Variants in VAPA observed in about 807,000 individuals in gnomAD.
VAPA encodes VAMP associated protein A.
In VAPA, 6 loss-of-function variants were observed where a neutral mutation model predicts 25.6. The observed-to-expected ratio is 0.23, with a 90% CI of 0.13 to 0.46. The LOEUF (loss-of-function observed/expected upper bound fraction) is 0.46. Ranked by LOEUF, VAPA falls within the 20% of genes least tolerant of loss-of-function variation. The probability of loss-of-function intolerance (pLI) is 0.99; values close to 1 mark genes in which losing one functional copy is unlikely to be tolerated. For missense variants in VAPA, 244 were observed against 302.1 expected (o/e 0.81, Z 1.43); for synonymous variants, 112 against 106.2 (o/e 1.05, Z -0.34).
In VAPA at chr18:9,954,844, G is replaced by A. The variant is rs993574323; in HGVS notation, c.*633G>A. 3 of 152,558 alleles carry A rather than the reference G, an allele frequency of 2.0e-5. No individual in the cohort carries two copies. The highest frequency in any genetic ancestry group is 6.5e-5 in the Admixed American group (1 of 15,268). 9.5% of individuals were successfully genotyped at this position (152,558 alleles called of 1,614,324 possible). On this transcript the variant is annotated 3_prime_UTR_variant, in exon 6 of 6. Transcript: ENST00000400000. The stretch of plus-strand genomic sequence containing the variant: ...GCTCGATAGCTTGTTTGTGTCTGTC[G>A]TGTTATTAGAGGGAACTCCACTATA...
chr18:9,934,615 A>T (rs2069289439), intron 2 of VAPA, among the ~76,000 whole-genome samples: 1 of 152,196 alleles, frequency 6.6e-6, no homozygotes, highest in African/African-American at 2.4e-5. Flanking sequence ...ACCCGTGTTT[A>T]TCTTTTTGAA....
intron 4 of VAPA, among the ~76,000 whole-genome samples, chr18:9,940,448 T>C (rs1368557747): frequency 1.3e-5 from 2 of 152,186 alleles, no homozygotes; most frequent in Admixed American, 6.5e-5. Flanking sequence ...TATCAAACTT[T>C]CTGTTCATTT....
chr18:9,920,549 C>T (rs139166816), intron 1 of VAPA, among the ~76,000 whole-genome samples: 1,657 of 152,368 alleles, frequency 0.011, 30 homozygotes, highest in African/African-American at 0.037. Flanking sequence ...CCACCTGCCT[C>T]TGCCTCCCAA....
intron 4 of VAPA, 172 bp from the exon 5 acceptor site, chr18:9,950,223 G>A (rs989071825): frequency 5.3e-5 from 32 of 608,262 alleles, no homozygotes; most frequent in Non-Finnish European, 7.4e-5. Flanking sequence ...GGGATTATGG[G>A]AATAGAGGGA....
At chr18:9,918,121 C>T (rs962381473) in intron 1 of VAPA, among the ~76,000 whole-genome samples, 1 of 152,070 alleles carries the variant, frequency 6.6e-6, no homozygotes, top group Non-Finnish European at 1.5e-5. Context: ...CTGCTCATAC[C>T]CAAGGTTCTT....
intron 2 of VAPA, among the ~76,000 whole-genome samples, chr18:9,934,576 T>A (rs1162120046): frequency 2.6e-5 from 4 of 152,260 alleles, no homozygotes; most frequent in Non-Finnish European, 5.9e-5. Context: ...AATAAGACTT[T>A]ATTACATAAT....
At chr18:9,933,568 T>G (rs1209738851) in intron 2 of VAPA, among the ~76,000 whole-genome samples, 1 of 152,190 alleles carries the variant, frequency 6.6e-6, no homozygotes, top group East Asian at 1.9e-4. Flanking sequence ...GACAGTGTCT[T>G]GCTTTGTTGC....
intron 1 of VAPA, among the ~76,000 whole-genome samples, chr18:9,925,839 A>C (rs148448796): frequency 3.3e-5 from 5 of 152,224 alleles, no homozygotes; most frequent in Middle Eastern, 3.4e-3. Context: ...TTTTTCATAT[A>C]TTGCTAATTT....
intron 4 of VAPA, 116 bp from the exon 5 acceptor site, chr18:9,950,279 T>G (rs2069474890): frequency 2.8e-6 from 3 of 1,071,960 alleles, no homozygotes; most frequent in Non-Finnish European, 4.1e-6. Flanking sequence ...ATGTACTGAT[T>G]TAGGCCTTTT....
chr18:9,933,514 G>A (rs939442969), intron 2 of VAPA, among the ~76,000 whole-genome samples: 2 of 152,198 alleles, frequency 1.3e-5, no homozygotes, highest in African/African-American at 4.8e-5. Flanking sequence ...ACATCTTTAA[G>A]CCTTTAGCAC....
chr18:9,933,900 C>G (rs992329022), intron 2 of VAPA, among the ~76,000 whole-genome samples: 5 of 152,196 alleles, frequency 3.3e-5, no homozygotes, highest in Non-Finnish European at 5.9e-5. Flanking sequence ...ACAGTTATAT[C>G]CCTAGGAATC....
rs1027069110 is a variant in VAPA at position 9,914,218 on chromosome 18, G to A, written c.-39G>A. The A allele has an allele frequency of 6.5e-7, 1 of 1,549,764 alleles. No individual in the cohort carries two copies. Among genetic ancestry groups the A allele is most frequent in the Non-Finnish European group, 8.7e-7 (1 of 1,148,770 alleles). The stretch of plus-strand genomic sequence containing the variant: ...GTCCCCCGCCCCCAGTCAGCAAACC[G>A]CCGCCGCGGGCGCGCCCCCGCTCTG... On this transcript the variant is annotated 5_prime_UTR_variant, in exon 1 of 6. Transcript: ENST00000400000.
chr18:9,958,222 C>A lies in VAPA; in HGVS notation c.*4011C>A, dbSNP rs1182515727. 1 of 152,080 alleles carries A rather than the reference C, an allele frequency of 6.6e-6. No individual in the cohort carries two copies. Among genetic ancestry groups the A allele is most frequent in the African/African-American group, 2.4e-5 (1 of 41,402 alleles). 9.4% of individuals were successfully genotyped at this position (152,080 alleles called of 1,614,324 possible). ...TTAATTTCTGTGGTTTATTGAAAAC[C>A]AAGTATAAATGTGACTAAAAGCATT... On this transcript the variant is annotated 3_prime_UTR_variant, in exon 6 of 6. Transcript: ENST00000400000.
chr18:9,946,215 G>A (rs575754619), intron 4 of VAPA, among the ~76,000 whole-genome samples: 2 of 152,298 alleles, frequency 1.3e-5, no homozygotes, highest in South Asian at 4.2e-4. Flanking sequence ...TGAGAAATGT[G>A]TTGTTAGGTG....
chr18:9,935,399 C>T (rs2069298947), intron 2 of VAPA, among the ~76,000 whole-genome samples: 1 of 152,060 alleles, frequency 6.6e-6, no homozygotes, highest in Admixed American at 6.6e-5. Flanking sequence ...TGACGAAAAC[C>T]CTTTCTCTAC....
chr18:9,946,134 A>G (rs544845388), intron 4 of VAPA, among the ~76,000 whole-genome samples: 7 of 152,276 alleles, frequency 4.6e-5, no homozygotes, highest in Non-Finnish European at 7.4e-5. Context: ...GGATATTAGA[A>G]CTGAAATTCT....
At chr18:9,946,306 T>A (rs1288463469) in intron 4 of VAPA, among the ~76,000 whole-genome samples, 3 of 152,172 alleles carry the variant, frequency 2.0e-5, no homozygotes, top group Non-Finnish European at 4.4e-5. Context: ...TACAGACTTG[T>A]ATAGCCTGTG....
chr18:9,935,832 T>G (rs2069304297), intron 2 of VAPA, among the ~76,000 whole-genome samples: 1 of 152,202 alleles, frequency 6.6e-6, no homozygotes, highest in African/African-American at 2.4e-5. Context: ...ATTGTTTATT[T>G]TGTTGGTTGT....
At chr18:9,951,372 AT>A (rs1227006991) in intron 5 of VAPA, 1 of 152,216 alleles carries the variant, frequency 6.6e-6, no homozygotes. Context: ...AAAAAAATCG[AT>A]TTGTCATGTC....
Sources: allele counts gnomAD v4.1 joint callset (sites outside exome capture counted in the v4.1 genomes callset), GRCh38; gene constraint gnomAD v4.1.1; transcripts MANE v1.5; gene names NCBI Gene and HGNC (gene_info 2026-07-23, HGNC 2026-07-21).